DRC11: variants seen among roughly 807,000 people sequenced by gnomAD.
The protein encoded by DRC11 is dynein regulatory complex subunit 11.
At chr2:236,414,180 T>C in the DRC11 span, among the ~76,000 whole-genome samples, 1 of 152,210 alleles carries the variant, frequency 6.6e-6, no homozygotes, top group African/African-American at 2.4e-5. Flanking sequence ...CATAGCTTTT[T>C]TTTCATCCTC....
the DRC11 span, among the ~76,000 whole-genome samples, chr2:236,390,745 C>T: frequency 1.3e-5 from 2 of 151,618 alleles, no homozygotes; most frequent in East Asian, 1.9e-4. This position sits in a 1 kb window ranked among gnomAD's most constrained non-coding sequence, Gnocchi z 5.9. Context: ...CAAGGTGCAC[C>T]CAGGGTTTGT....
the DRC11 span, among the ~76,000 whole-genome samples, chr2:236,432,819 T>C: frequency 5.3e-5 from 8 of 152,176 alleles, no homozygotes; most frequent in Non-Finnish European, 1.2e-4. Context: ...GTTTGTATCA[T>C]AATTAGAAAG....
the DRC11 span, among the ~76,000 whole-genome samples, chr2:236,449,860 T>C: frequency 6.6e-6 from 1 of 152,100 alleles, no homozygotes; most frequent in Non-Finnish European, 1.5e-5. The surrounding 1 kb of genome is among the most constrained non-coding windows in gnomAD (Gnocchi z 5.1). Flanking sequence ...CCTGAAATAA[T>C]AAGAGGAAAA....
chr2:236,338,076 C>G, the DRC11 span: 2 of 816,610 alleles, frequency 2.4e-6, no homozygotes, highest in Non-Finnish European at 3.8e-6. Flanking sequence ...GGTGCACACA[C>G]CCCACCGGGT....
the DRC11 span, chr2:236,338,293 C>A: frequency 6.2e-7 from 1 of 1,613,908 alleles, no homozygotes; most frequent in Non-Finnish European, 8.5e-7. Flanking sequence ...CGAAGGGACG[C>A]CGTGTGGTCC....
At chr2:236,357,762 ATATACT>A in the DRC11 span, among the ~76,000 whole-genome samples, 4 of 126,800 alleles carry the variant, frequency 3.2e-5, no homozygotes, top group Admixed American at 8.4e-5. Flanking sequence ...ATAAATATAC[ATATACT>A]ATGTAAATAT....
At chr2:236,311,024 T>C in the DRC11 span, among the ~76,000 whole-genome samples, 1 of 152,224 alleles carries the variant, frequency 6.6e-6, no homozygotes, top group Non-Finnish European at 1.5e-5. The surrounding 1 kb of genome is among the most constrained non-coding windows in gnomAD (Gnocchi z 6.9). Context: ...CTGCTCTGGC[T>C]GTTTGAGTCA....
At chr2:236,418,697 T>G in the DRC11 span, among the ~76,000 whole-genome samples, 12 of 152,384 alleles carry the variant, frequency 7.9e-5, no homozygotes, top group Non-Finnish European at 1.8e-4. Flanking sequence ...TAACAAATAC[T>G]TCTGTTAAAA....
At chr2:236,326,966 T>G in the DRC11 span, among the ~76,000 whole-genome samples, 2 of 151,972 alleles carry the variant, frequency 1.3e-5, no homozygotes, top group African/African-American at 4.8e-5. Flanking sequence ...GTGATCCACC[T>G]GCCTTGGCCT....
the DRC11 span, among the ~76,000 whole-genome samples, chr2:236,357,222 C>CTATTTATA: frequency 9.0e-6 from 1 of 110,640 alleles, no homozygotes; most frequent in Admixed American, 1.1e-4. Flanking sequence ...TAGTATATAT[C>CTATTTATA]TATTATAAAT....
At chr2:236,438,293 T>C in the DRC11 span, among the ~76,000 whole-genome samples, 3 of 140,430 alleles carry the variant, frequency 2.1e-5, no homozygotes, top group Non-Finnish European at 4.7e-5. Context: ...TTCTGTTCCA[T>C]TGATCTATAT....
chr2:236,491,046 G>GTATATATATATATATACACAGTATATATA, the DRC11 span, among the ~76,000 whole-genome samples: 1 of 128,262 alleles, frequency 7.8e-6, no homozygotes, highest in African/African-American at 3.2e-5. Context: ...TATATATACA[G>GTATATATATATATATACACAGTATATATA]TATATATATA....
At chr2:236,479,458 C>A in the DRC11 span, among the ~76,000 whole-genome samples, 5 of 151,930 alleles carry the variant, frequency 3.3e-5, no homozygotes, top group African/African-American at 1.2e-4. This position sits in a 1 kb window ranked among gnomAD's most constrained non-coding sequence, Gnocchi z 4.1. Context: ...TTTTCTCTGG[C>A]AATATATTTT....
At chr2:236,336,599 A>G in the DRC11 span, among the ~76,000 whole-genome samples, 33 of 151,788 alleles carry the variant, frequency 2.2e-4, no homozygotes, top group Non-Finnish European at 4.4e-4. The surrounding 1 kb of genome is among the most constrained non-coding windows in gnomAD (Gnocchi z 7.3). Flanking sequence ...CCACACCACC[A>G]TCAACACAGT....
At chr2:236,338,324 T>C in the DRC11 span, 1 of 1,614,010 alleles carries the variant, frequency 6.2e-7, no homozygotes, top group Non-Finnish European at 8.5e-7. Flanking sequence ...AATCCGGTCA[T>C]CTGGTTTCAG....
the DRC11 span, among the ~76,000 whole-genome samples, chr2:236,369,707 C>T: frequency 9.8e-3 from 1,499 of 152,318 alleles, 69 homozygotes; most frequent in East Asian, 0.062. The surrounding 1 kb of genome is among the most constrained non-coding windows in gnomAD (Gnocchi z 4.5). Context: ...CAAGTAGCCC[C>T]GGCTGCCTGC....
the DRC11 span, among the ~76,000 whole-genome samples, chr2:236,350,266 G>A: frequency 6.6e-6 from 1 of 152,156 alleles, no homozygotes; most frequent in Admixed American, 6.5e-5. The surrounding 1 kb of genome is among the most constrained non-coding windows in gnomAD (Gnocchi z 5.2). Flanking sequence ...ACTAATGGGG[G>A]AATTCCATGC....
chr2:236,318,251 T>A, the DRC11 span, among the ~76,000 whole-genome samples: 3 of 152,160 alleles, frequency 2.0e-5, no homozygotes, highest in Non-Finnish European at 4.4e-5. This position sits in a 1 kb window ranked among gnomAD's most constrained non-coding sequence, Gnocchi z 7.0. Flanking sequence ...GCACTCGATG[T>A]AAACAGTAAA....
At chr2:236,420,029 G>A in the DRC11 span, among the ~76,000 whole-genome samples, 150 of 152,288 alleles carry the variant, frequency 9.8e-4, 1 homozygote, top group Admixed American at 2.6e-3. This position sits in a 1 kb window ranked among gnomAD's most constrained non-coding sequence, Gnocchi z 4.8. Flanking sequence ...AAGACAAGCT[G>A]CATAAGCTCT....
Sources: gnomAD v4.1 joint callset for allele counts (sites outside exome capture counted in the v4.1 genomes callset) on GRCh38, gnomAD v4.1.1 for gene constraint, Gnocchi (gnomAD v3.1) non-coding constraint, MANE v1.5 for transcripts, NCBI Gene and HGNC (gene_info 2026-07-23, HGNC 2026-07-21) for gene names.